Variants in PICALM observed in about 807,000 individuals in gnomAD.
The protein encoded by PICALM is phosphatidylinositol binding clathrin assembly protein.
In PICALM, 40 loss-of-function variants were observed where a neutral mutation model predicts 80.5. The observed-to-expected ratio is 0.50, with a 90% CI of 0.39 to 0.65. The LOEUF (loss-of-function observed/expected upper bound fraction) is 0.65, where lower values mean the gene tolerates loss of function less well. Ranked by LOEUF, PICALM falls within the 30% of genes least tolerant of loss-of-function variation. The probability of loss-of-function intolerance (pLI) is 0.00; values close to 1 mark genes in which losing one functional copy is unlikely to be tolerated. For synonymous variants in PICALM, 288 were observed against 260.3 expected, an observed-to-expected ratio of 1.11 and a Z score of -1.02; for missense variants, 676 against 778.9, an observed-to-expected ratio of 0.87 and a Z score of 1.57.
At chr11:86,065,133 T>A (rs1372961929) in intron 1 of PICALM, among the ~76,000 whole-genome samples, 1 of 151,800 alleles carries the variant, frequency 6.6e-6, no homozygotes. Context: ...AAATGATTTT[T>A]ATATTAAGAA....
At chr11:86,001,476 C>T (rs1176701283) in intron 9 of PICALM, among the ~76,000 whole-genome samples, 2 of 152,164 alleles carry the variant, frequency 1.3e-5, no homozygotes, top group Non-Finnish European at 2.9e-5. Flanking sequence ...GGGAAAGAGC[C>T]CACATAATCC....
intron 13 of PICALM, among the ~76,000 whole-genome samples, chr11:85,988,510 G>A (rs1455883198): frequency 6.6e-6 from 1 of 152,156 alleles, no homozygotes; most frequent in Admixed American, 6.6e-5. Context: ...AAGAAACAAG[G>A]CACATAAAGG....
rs768640519 is a variant in PICALM, at chr11:86,022,489, AAAAC to A, written c.350-24_350-21del. ...CATATCCTGTAAAAAAACAAAAACA[AAAAC>A]AAAACAAAGAGAGAGACAAGTTTTT... On this transcript the variant is annotated intron_variant, in intron 3 of 19. Coordinates refer to ENST00000393346, the MANE Select transcript of PICALM (RefSeq NM_007166.4). 4.7e-5 allele frequency: 61 copies of A among 1,288,590 alleles called. No homozygotes were observed. The highest frequency in any genetic ancestry group is 6.0e-5 in the Non-Finnish European group (57 of 943,808). 79.8% of individuals were successfully genotyped at this position (1,288,590 alleles called of 1,614,324 possible). A position where few individuals can be genotyped will look rare whatever the true frequency, so the allele number is the denominator to read the frequency against.
intron 1 of PICALM, among the ~76,000 whole-genome samples, chr11:86,040,212 G>T (rs991939834): frequency 2.6e-5 from 4 of 151,874 alleles, no homozygotes; most frequent in African/African-American, 9.7e-5. Context: ...TTAAAAAAGG[G>T]GCTGTGGATG....
chr11:86,031,804 G>C (rs1425450989), intron 1 of PICALM, among the ~76,000 whole-genome samples, 193 bp from the exon 2 acceptor site: 1 of 152,072 alleles, frequency 6.6e-6, no homozygotes, highest in Non-Finnish European at 1.5e-5. Context: ...GTACCAATTA[G>C]AATCACATAA....
chr11:86,056,143 A>AAAAAAAAAAG (rs1555149116), intron 1 of PICALM, among the ~76,000 whole-genome samples: 1 of 143,794 alleles, frequency 7.0e-6, no homozygotes, highest in African/African-American at 2.5e-5. Flanking sequence ...TTTAAAAAAA[A>AAAAAAAAAAG]AAAAAAAGAA....
chr11:86,008,453 C>A (rs970405753), intron 7 of PICALM, among the ~76,000 whole-genome samples: 1 of 151,986 alleles, frequency 6.6e-6, no homozygotes, highest in African/African-American at 2.4e-5. Flanking sequence ...AACCCCAGCT[C>A]TACTAAAAAT....
intron 14 of PICALM, among the ~76,000 whole-genome samples, chr11:85,982,946 T>C (rs1178928505): frequency 6.6e-6 from 1 of 152,178 alleles, no homozygotes; most frequent in African/African-American, 2.4e-5. Context: ...ATATTACAGT[T>C]TGAAAAAGAA....
At chr11:86,039,252 G>T (rs1038066960) in intron 1 of PICALM, among the ~76,000 whole-genome samples, 3 of 151,992 alleles carry the variant, frequency 2.0e-5, no homozygotes, top group African/African-American at 4.8e-5. Flanking sequence ...AAATAGAGTG[G>T]AACATGGTGA....
chr11:86,049,415 C>A (rs2096138219), intron 1 of PICALM, among the ~76,000 whole-genome samples: 1 of 152,162 alleles, frequency 6.6e-6, no homozygotes, highest in Non-Finnish European at 1.5e-5. Flanking sequence ...GCAGAGCAAC[C>A]CACTCCATTT....
chr11:85,987,839 T>C (rs2094626250), intron 13 of PICALM, among the ~76,000 whole-genome samples: 1 of 152,350 alleles, frequency 6.6e-6, no homozygotes, highest in Non-Finnish European at 1.5e-5. Flanking sequence ...AGATGTTACA[T>C]AGTCATGTAT....
At chr11:86,050,898 A>T (rs2096175547) in intron 1 of PICALM, among the ~76,000 whole-genome samples, 1 of 152,164 alleles carries the variant, frequency 6.6e-6, no homozygotes, top group Admixed American at 6.5e-5. Flanking sequence ...ATGTTGTACA[A>T]GGTGGCCTCA....
At chr11:85,963,465 A>G (rs2093760326) in intron 19 of PICALM, among the ~76,000 whole-genome samples, 1 of 152,258 alleles carries the variant, frequency 6.6e-6, no homozygotes, top group South Asian at 2.1e-4. Flanking sequence ...TATAGCTATC[A>G]GTTCGTTCAA....
chr11:86,009,550 G>T (rs2095354403), intron 7 of PICALM, among the ~76,000 whole-genome samples: 1 of 151,940 alleles, frequency 6.6e-6, no homozygotes, highest in African/African-American at 2.4e-5. Context: ...AAATTAGCCG[G>T]GTGTGGTGGC....
At position 85,983,039 on chromosome 11, in the gene PICALM, C is replaced by CA. The variant is rs563773581; in HGVS notation, c.1516+826dup. On this transcript the variant is annotated intron_variant, in intron 14 of 19. Transcript: ENST00000393346. ...CAAGACAAACTAAAACCTACCGCAG[C>CA]AAAAAAATATTATCATAAACCTACT... 5.9e-5 allele frequency among the ~76,000 whole-genome samples: 9 copies of CA among 151,972 alleles called. No homozygotes were observed. The South Asian group carries it at 1.9e-3, about 32-fold the overall frequency.
Position 86,014,273 on chromosome 11 carries a change from T to C in PICALM, c.546+597A>G, listed in dbSNP as rs372021614. On this transcript the variant is annotated intron_variant, in intron 5 of 19. Transcript: ENST00000393346. ...TGCACTCACAATCTCTAAAACAAAA[T>C]GACAAATAAATAATAAACAAAACAT... Among the ~76,000 whole-genome samples the C allele has an allele frequency of 3.3e-5, 5 of 152,146 alleles. No homozygotes were observed. The East Asian group carries it at 5.8e-4, about 18-fold the overall frequency.
Position 86,035,051 on chromosome 11 carries a change from G to A in PICALM, c.131-3440C>T, listed in dbSNP as rs1024636555. On this transcript the variant is annotated intron_variant, in intron 1 of 19. Transcript: ENST00000393346. ...GCCAATTTAATACACGTTCTCGACT[G>A]AAAACTAATTAAAAACAAAAACAAT... Among the ~76,000 whole-genome samples the A allele has an allele frequency of 3.3e-5, 5 of 150,480 alleles. No individual in the cohort carries two copies. The South Asian group carries it at 6.2e-4, about 19-fold the overall frequency.
At chr11:85,985,039 T>C (rs1351087648) in intron 13 of PICALM, among the ~76,000 whole-genome samples, 1 of 152,092 alleles carries the variant, frequency 6.6e-6, no homozygotes, top group African/African-American at 2.4e-5. Flanking sequence ...TAAGTCAGAA[T>C]ATAAAAAACC....
At chr11:86,039,937 G>A (rs2095923019) in intron 1 of PICALM, among the ~76,000 whole-genome samples, 1 of 148,266 alleles carries the variant, frequency 6.7e-6, no homozygotes, top group African/African-American at 2.5e-5. Context: ...CCGGGTGGCG[G>A]AGCTTGCAGT....
Sources: allele counts gnomAD v4.1 joint callset (sites outside exome capture counted in the v4.1 genomes callset), GRCh38; gene constraint gnomAD v4.1.1; transcripts MANE v1.5; gene names NCBI Gene and HGNC (gene_info 2026-07-23, HGNC 2026-07-21).